Variants in OR51B5 observed in about 807,000 individuals in gnomAD.
The protein encoded by OR51B5 is olfactory receptor family 51 subfamily B member 5, also known as olfactory receptor 51B5.
For missense variants in OR51B5, 456 were observed against 374.6 expected (o/e 1.22, Z -1.79); for synonymous variants, 186 against 144.8 (o/e 1.28, Z -2.04).
At chr11:5,474,757 A>C (rs1851280336) in intron 1 of OR51B5, among the ~76,000 whole-genome samples, 1 of 152,214 alleles carries the variant, frequency 6.6e-6, no homozygotes, top group Non-Finnish European at 1.5e-5. Flanking sequence ...TTTGAGAGAA[A>C]AAACCACGCT....
intron 1 of OR51B5, among the ~76,000 whole-genome samples, chr11:5,376,603 A>G (rs4590906): frequency 0.32 from 48,438 of 151,930 alleles, 7,951 homozygotes; most frequent in South Asian, 0.48. Context: ...TCAAATAGAC[A>G]CAATAAAAAA....
intron 1 of OR51B5, among the ~76,000 whole-genome samples, chr11:5,436,939 C>T (rs549493478): frequency 1.1e-4 from 17 of 152,238 alleles, no homozygotes; most frequent in African/African-American, 4.1e-4. Context: ...CAGGTGGGCA[C>T]CAGCCAAGAG....
At chr11:5,473,431 T>A (rs1447760116) in intron 1 of OR51B5, among the ~76,000 whole-genome samples, 1 of 152,186 alleles carries the variant, frequency 6.6e-6, no homozygotes, top group East Asian at 1.9e-4. Context: ...ACAAATTATT[T>A]AAAGAGTTAG....
At chr11:5,374,933 C>T (rs1218072254) in intron 1 of OR51B5, among the ~76,000 whole-genome samples, 8 of 151,866 alleles carry the variant, frequency 5.3e-5, no homozygotes, top group Non-Finnish European at 1.0e-4. Context: ...AGGAGAACTT[C>T]CCCAATCTAG....
intron 1 of OR51B5, among the ~76,000 whole-genome samples, chr11:5,375,954 A>G (rs1849520817): frequency 6.6e-6 from 1 of 152,124 alleles, no homozygotes; most frequent in African/African-American, 2.4e-5. Flanking sequence ...CTCTGCACCA[A>G]GCAGACCTAA....
chr11:5,350,958 T>G (rs1268168264), intron 1 of OR51B5, among the ~76,000 whole-genome samples: 1 of 152,232 alleles, frequency 6.6e-6, no homozygotes, highest in Non-Finnish European at 1.5e-5. Context: ...ACTATTTTAT[T>G]GTATTTGCTC....
chr11:5,383,616 TGCA>T (rs1325434002), intron 1 of OR51B5, among the ~76,000 whole-genome samples: 2 of 152,236 alleles, frequency 1.3e-5, no homozygotes, highest in African/African-American at 4.8e-5. Context: ...GTACTTTTGT[TGCA>T]GCAGATGTCT....
chr11:5,363,723 C>T (rs994162765), intron 1 of OR51B5, among the ~76,000 whole-genome samples: 2 of 152,286 alleles, frequency 1.3e-5, no homozygotes, highest in South Asian at 4.1e-4. Flanking sequence ...AAGGTCTTTC[C>T]ATCATTCTGT....
chr11:5,374,449 T>A (rs1411447535), intron 1 of OR51B5, among the ~76,000 whole-genome samples: 1 of 152,150 alleles, frequency 6.6e-6, no homozygotes, highest in Non-Finnish European at 1.5e-5. Context: ...AGGAAAGCAG[T>A]TCCTCACCAG....
chr11:5,451,974 A>G (rs1850859903), intron 1 of OR51B5, among the ~76,000 whole-genome samples: 1 of 152,220 alleles, frequency 6.6e-6, no homozygotes, highest in Non-Finnish European at 1.5e-5. Context: ...GTAAGAAATA[A>G]TATGTGAATG....
intron 1 of OR51B5, among the ~76,000 whole-genome samples, chr11:5,438,778 T>C (rs939221285): frequency 3.0e-4 from 45 of 152,172 alleles, no homozygotes; most frequent in African/African-American, 1.1e-3. Context: ...GAAGCTTTCC[T>C]CCCCACAACA....
At chr11:5,342,219 C>G (rs1276426207), downstream of OR51B5, among the ~76,000 whole-genome samples, 1 of 152,170 alleles carries the variant, frequency 6.6e-6, no homozygotes, top group Non-Finnish European at 1.5e-5. Flanking sequence ...TTCCATTTCA[C>G]TCGAACCAAC....
At chr11:5,343,549 CT>C (rs766817329), upstream of OR51B5, 24 of 729,432 alleles carry the variant, frequency 3.3e-5, no homozygotes, top group Non-Finnish European at 5.5e-5. Flanking sequence ...GAAGAAATGT[CT>C]TTCTGTTTCT....
At chr11:5,479,150 A>C (rs1239960774) in intron 1 of OR51B5, among the ~76,000 whole-genome samples, 3 of 148,998 alleles carry the variant, frequency 2.0e-5, no homozygotes, top group African/African-American at 7.4e-5. Flanking sequence ...CCATCAGACT[A>C]ACAGCGGATC....
intron 1 of OR51B5, chr11:5,403,303 G>T: frequency 2.1e-6 from 1 of 471,650 alleles, no homozygotes. Flanking sequence ...GGAGAAGGGA[G>T]GAAGAAGGCA....
chr11:5,347,071 A>ATCTT (rs551103010), upstream of OR51B5, among the ~76,000 whole-genome samples: 13 of 152,246 alleles, frequency 8.5e-5, no homozygotes, highest in South Asian at 2.7e-3. Context: ...CTTTTAAATA[A>ATCTT]TCTTTCTTTT....
At chr11:5,409,936 T>G (rs561301897) in intron 1 of OR51B5, among the ~76,000 whole-genome samples, 2 of 152,228 alleles carry the variant, frequency 1.3e-5, no homozygotes, top group South Asian at 4.1e-4. Context: ...TCAAAAATAG[T>G]ACAAACAGCT....
intron 1 of OR51B5, among the ~76,000 whole-genome samples, chr11:5,447,582 T>TCA (rs1277700704): frequency 1.3e-5 from 2 of 150,106 alleles, no homozygotes; most frequent in African/African-American, 5.0e-5. Flanking sequence ...TTATCACCGC[T>TCA]CAGTCTCAAT....
At chr11:5,357,388 C>CAT (rs1849210703) in intron 1 of OR51B5, among the ~76,000 whole-genome samples, 1 of 150,908 alleles carries the variant, frequency 6.6e-6, no homozygotes, top group African/African-American at 2.4e-5. Flanking sequence ...AAGGCCATTA[C>CAT]ATAATGGTAA....
Sources: gnomAD v4.1 joint callset for allele counts (sites outside exome capture counted in the v4.1 genomes callset) on GRCh38, gnomAD v4.1.1 for gene constraint, MANE v1.5 for transcripts, NCBI Gene and HGNC (gene_info 2026-07-23, HGNC 2026-07-21) for gene names.